Variants in ADCY1 observed in about 807,000 individuals in gnomAD.
ADCY1 encodes the protein adenylate cyclase 1.
ADCY1 carries 28 observed loss-of-function variants against 105.4 expected under a neutral mutation model. That is an observed-to-expected ratio of 0.27 (90% confidence interval 0.20 to 0.36). The LOEUF (loss-of-function observed/expected upper bound fraction) is 0.36. ADCY1 is among the 10% of genes least tolerant of loss of function. ADCY1 has a pLI of 1.00. For missense variants in ADCY1, 977 were observed against 1,434.2 expected (o/e 0.68, Z 5.15); for synonymous variants, 655 against 623.8 (o/e 1.05, Z -0.75).
intron 2 of ADCY1, among the ~76,000 whole-genome samples, chr7:45,606,643 G>C (rs1793381720): frequency 6.6e-6 from 1 of 152,174 alleles, no homozygotes; most frequent in African/African-American, 2.4e-5. Context: ...TTTCAGCTGT[G>C]TTCAGCAGGA....
intron 3 of ADCY1, among the ~76,000 whole-genome samples, chr7:45,621,934 A>G (rs945060850): frequency 1.3e-5 from 2 of 152,236 alleles, no homozygotes; most frequent in African/African-American, 2.4e-5. Context: ...TAATATTGCA[A>G]GAAGAGATAG....
At chr7:45,604,009 A>G (rs1374430235) in intron 2 of ADCY1, among the ~76,000 whole-genome samples, 3 of 152,226 alleles carry the variant, frequency 2.0e-5, no homozygotes. Flanking sequence ...TAAAGCTGCT[A>G]TGAACATTCA....
chr7:45,711,644 T>TATATATACACAC lies in ADCY1; in HGVS notation c.3057+993_3057+994insTATATACACACA, dbSNP rs1189707139. Among the ~76,000 whole-genome samples, 181 of 51,354 alleles carry TATATATACACAC rather than the reference T, an allele frequency of 3.5e-3. 1 individual carries two copies. Among genetic ancestry groups the TATATATACACAC allele is most frequent in the Non-Finnish European group, 5.8e-3 (143 of 24,624 alleles). The allele number at this position is 51,354 out of a possible 152,430, so 33.7% of individuals were successfully genotyped here. A position where few individuals can be genotyped will look rare whatever the true frequency, so the allele number is the denominator to read the frequency against. ...ATATATATATATATATATATATATA[T>TATATATACACAC]ACACACACACACGTATGTATACACA... On this transcript the variant is annotated intron_variant, in intron 19 of 19. Transcript: ENST00000297323.
At chr7:45,628,360 T>C (rs78803685) in intron 4 of ADCY1, among the ~76,000 whole-genome samples, 10,705 of 152,306 alleles carry the variant, frequency 0.07, 417 homozygotes, top group Middle Eastern at 0.092. Context: ...TCCATCTCCA[T>C]GCTCCTGCCC....
chr7:45,650,699 T>C (rs1794785905), intron 5 of ADCY1, among the ~76,000 whole-genome samples: 1 of 152,172 alleles, frequency 6.6e-6, no homozygotes, highest in Non-Finnish European at 1.5e-5. Flanking sequence ...TATGCTCCTG[T>C]GCTCAGTAAC....
chr7:45,625,381 C>T (rs1459459632), intron 4 of ADCY1, among the ~76,000 whole-genome samples: 2 of 152,096 alleles, frequency 1.3e-5, no homozygotes, highest in African/African-American at 2.4e-5. Context: ...GGGTGACGTA[C>T]GTGGTGGAGA....
At chr7:45,667,200 G>A (rs1371857316) in intron 8 of ADCY1, among the ~76,000 whole-genome samples, 1 of 152,124 alleles carries the variant, frequency 6.6e-6, no homozygotes, top group Non-Finnish European at 1.5e-5. Flanking sequence ...TGAAGTCCTT[G>A]CCCATGCCTA....
chr7:45,688,980 G>A (rs534340049), intron 14 of ADCY1, among the ~76,000 whole-genome samples: 1 of 150,812 alleles, frequency 6.6e-6, no homozygotes, highest in South Asian at 2.2e-4. Flanking sequence ...TTCAGCCTGT[G>A]TATTAAGTTA....
intron 14 of ADCY1, among the ~76,000 whole-genome samples, chr7:45,700,275 G>A (rs1237727392): frequency 2.6e-5 from 4 of 152,184 alleles, no homozygotes; most frequent in East Asian, 1.9e-4. Context: ...ATGCAGAGAC[G>A]TGCATCACTT....
intron 11 of ADCY1, among the ~76,000 whole-genome samples, chr7:45,683,087 G>A (rs1784593363): frequency 6.6e-6 from 1 of 152,280 alleles, no homozygotes; most frequent in South Asian, 2.1e-4. Flanking sequence ...AGTGGCCGAG[G>A]AAATAGAATG....
chr7:45,699,564 G>A (rs560187649), intron 14 of ADCY1, among the ~76,000 whole-genome samples: 3 of 152,234 alleles, frequency 2.0e-5, no homozygotes, highest in African/African-American at 7.2e-5. Context: ...TGAGAGCTGC[G>A]GACAAGGTGG....
At chr7:45,595,657 C>G (rs1433516371) in intron 2 of ADCY1, among the ~76,000 whole-genome samples, 2 of 152,210 alleles carry the variant, frequency 1.3e-5, no homozygotes, top group Admixed American at 1.3e-4. Context: ...GTTCCTCCAG[C>G]TTTGCTTTTC....
At chr7:45,620,831 C>T (rs1197047945) in intron 3 of ADCY1, among the ~76,000 whole-genome samples, 1 of 152,174 alleles carries the variant, frequency 6.6e-6, no homozygotes, top group Non-Finnish European at 1.5e-5. Context: ...GCAAAAATCA[C>T]AAGAGCAGCA....
chr7:45,614,445 A>C (rs575379801), intron 3 of ADCY1, among the ~76,000 whole-genome samples: 1 of 152,354 alleles, frequency 6.6e-6, no homozygotes, highest in Non-Finnish European at 1.5e-5. Flanking sequence ...AAACATTAAC[A>C]TAACACAAAG....
chr7:45,677,949 C>A lies in ADCY1; in HGVS notation c.1686C>A (p.Gly562=), dbSNP rs1261012189. 1 of 1,614,106 alleles carries A rather than the reference C, an allele frequency of 6.2e-7. No homozygotes were observed. The highest frequency in any genetic ancestry group is 8.5e-7 in the Non-Finnish European group (1 of 1,180,054). ...FSTNVVYTTP[G]TRVNRYISRL... ...CCAACGTTGTCTACACCACCCCGGG[C>A]ACTCGCGTCAACAGGTACATCAGCC... Residue 562 remains glycine, a synonymous_variant, in exon 9 of 20, where the codon GGC becomes GGA. Transcript: ENST00000297323.
At chr7:45,701,386 G>A (rs1376538997) in intron 14 of ADCY1, among the ~76,000 whole-genome samples, 2 of 152,124 alleles carry the variant, frequency 1.3e-5, no homozygotes, top group Non-Finnish European at 2.9e-5. Context: ...TCCAAATGTG[G>A]AAATAAGCAG....
At chr7:45,698,771 G>A (rs1327658523) in intron 14 of ADCY1, among the ~76,000 whole-genome samples, 1 of 152,172 alleles carries the variant, frequency 6.6e-6, no homozygotes, top group African/African-American at 2.4e-5. Flanking sequence ...CAAAGCTAGA[G>A]TCCCCAGTGG....
chr7:45,585,900 C>G (rs534062649), intron 1 of ADCY1, among the ~76,000 whole-genome samples: 3 of 152,042 alleles, frequency 2.0e-5, no homozygotes, highest in Non-Finnish European at 4.4e-5. Flanking sequence ...CTGGAAGTGG[C>G]GCTGTTCTGA....
At chr7:45,661,750 T>G (rs1795112549) in intron 7 of ADCY1, among the ~76,000 whole-genome samples, 1 of 152,178 alleles carries the variant, frequency 6.6e-6, no homozygotes, top group African/African-American at 2.4e-5. Context: ...CAAGCCCTGG[T>G]TGTCTTTCCT....
Sources: allele counts gnomAD v4.1 joint callset (sites outside exome capture counted in the v4.1 genomes callset), GRCh38; gene constraint gnomAD v4.1.1; transcripts MANE v1.5; gene names NCBI Gene and HGNC (gene_info 2026-07-23, HGNC 2026-07-21).